MRPS5: variants seen among roughly 807,000 people sequenced by gnomAD.
The protein encoded by MRPS5 is mitochondrial ribosomal protein S5, also known as small ribosomal subunit protein uS5m.
Under a neutral mutation model 51.9 loss-of-function variants are expected in MRPS5, and 27 were observed. The observed-to-expected ratio is 0.52, with a 90% CI of 0.38 to 0.72. The LOEUF (loss-of-function observed/expected upper bound fraction) is 0.72. Among genes scored for constraint, MRPS5 ranks in the 30% least tolerant of loss-of-function variants. The probability of loss-of-function intolerance (pLI) is 0.00; values close to 1 mark genes in which losing one functional copy is unlikely to be tolerated. For missense variants in MRPS5, 570 were observed against 545.7 expected, an observed-to-expected ratio of 1.04 and a Z score of -0.44; for synonymous variants, 196 against 193.2, an observed-to-expected ratio of 1.01 and a Z score of -0.12.
chr2:95,089,902 G>A (rs1487197017), intron 11 of MRPS5, among the ~76,000 whole-genome samples: 1 of 152,138 alleles, frequency 6.6e-6, no homozygotes, highest in Admixed American at 6.5e-5. Flanking sequence ...TTCAGGCCGG[G>A]CGCGGTGGCT....
At position 95,104,748 on chromosome 2, in the gene MRPS5, T is replaced by C. The variant is rs773500596; in HGVS notation, c.673-18A>G. The C allele has an allele frequency of 6.2e-7, 1 of 1,610,804 alleles. No individual in the cohort carries two copies. The highest frequency in any genetic ancestry group is 8.5e-7 in the Non-Finnish European group (1 of 1,177,356). ...TTTCTTACCTAAAAGGCAAAATGTC[T>C]CATAAATATTGCACATTAAGAAAAT... is the stretch of plus-strand genomic sequence containing the variant. On this transcript the variant is annotated intron_variant, in intron 6 of 11. Transcript: ENST00000272418.
intron 10 of MRPS5, chr2:95,091,566 A>G (rs988233747): frequency 1.6e-4 from 24 of 152,346 alleles, no homozygotes; most frequent in African/African-American, 5.5e-4. Flanking sequence ...ATGCAGGTGG[A>G]GTGAGGGAGC....
chr2:95,109,248 G>A (rs1420618106), intron 4 of MRPS5, among the ~76,000 whole-genome samples: 1 of 152,112 alleles, frequency 6.6e-6, no homozygotes, highest in Non-Finnish European at 1.5e-5. Flanking sequence ...GTAGACATGC[G>A]ATGCTGGAAG....
intron 10 of MRPS5, 118 bp from the exon 11 acceptor site, chr2:95,090,640 T>G: frequency 9.0e-7 from 1 of 1,117,300 alleles, no homozygotes; most frequent in South Asian, 1.5e-5. Context: ...CATATTCTGG[T>G]ATCACCACTT....
intron 8 of MRPS5, among the ~76,000 whole-genome samples, 195 bp downstream of exon 8, chr2:95,101,482 C>T (rs781401286): frequency 6.6e-6 from 1 of 151,588 alleles, no homozygotes. Context: ...TAGACAATTA[C>T]AAATCTGATA....
At chr2:95,118,091 T>C (rs1415130907) in intron 1 of MRPS5, 146 bp from the exon 2 acceptor site, 1 of 587,852 alleles carries the variant, frequency 1.7e-6, no homozygotes, top group East Asian at 3.0e-5. Context: ...ACTTGTCAAG[T>C]AGCTGACACC....
At chr2:95,090,094 G>A (rs922249455) in intron 11 of MRPS5, among the ~76,000 whole-genome samples, 2 of 147,340 alleles carry the variant, frequency 1.4e-5, no homozygotes, top group South Asian at 2.2e-4. Flanking sequence ...GGAGAATGGC[G>A]TGAACCCGGG....
At chr2:95,119,649 A>G (rs1418299419) in intron 1 of MRPS5, among the ~76,000 whole-genome samples, 1 of 151,692 alleles carries the variant, frequency 6.6e-6, no homozygotes, top group Non-Finnish European at 1.5e-5. Context: ...TAAGATGGCT[A>G]TAGTAAAAAA....
chr2:95,115,156 A>G lies in MRPS5; in HGVS notation c.187T>C (p.Leu63=). 6.2e-7 allele frequency: 1 copy of G among 1,611,510 alleles called. No individual in the cohort carries two copies. The highest frequency in any genetic ancestry group is 8.5e-7 in the Non-Finnish European group (1 of 1,179,498). Residue 63 remains leucine (L), a synonymous_variant, in exon 3 of 12, where the codon TTG becomes CTG. Coordinates refer to ENST00000272418, the MANE Select transcript of MRPS5 (RefSeq NM_031902.5). ...CATTGTGTCTGCAGTGCACGGCTCA[A>G]GCTGGCGTAGGGATGGGTGTCTCTG... ...GTRDTHPYAS[L]SRALQTQCCI... is the part of the protein sequence containing the mutation.
intron 8 of MRPS5, among the ~76,000 whole-genome samples, chr2:95,101,175 G>T (rs1675790136): frequency 6.6e-6 from 1 of 152,054 alleles, no homozygotes; most frequent in African/African-American, 2.4e-5. Flanking sequence ...CTTGAGATCA[G>T]GAGTTCGAGA....
chr2:95,087,117 G>A lies in MRPS5; in HGVS notation c.*240C>T. 1 of 426,304 alleles carries A rather than the reference G, an allele frequency of 2.3e-6. No individual in the cohort carries two copies. Among genetic ancestry groups the A allele is most frequent in the East Asian group, 3.7e-5 (1 of 26,974 alleles). 26.4% of individuals were successfully genotyped at this position (426,304 alleles called of 1,614,324 possible). Reference sequence around the variant, plus strand: ...CCGTCTCCCTAATTCATTTACTTTTGTTACTTTGGATGAATATTTAAAGTA... The same window carrying A: ...CCGTCTCCCTAATTCATTTACTTTTATTACTTTGGATGAATATTTAAAGTA... On this transcript the variant is annotated 3_prime_UTR_variant, in exon 12 of 12. Coordinates refer to ENST00000272418, the MANE Select transcript of MRPS5 (RefSeq NM_031902.5).
At chr2:95,091,018 G>A (rs969404596) in intron 10 of MRPS5, 1 of 154,070 alleles carries the variant, frequency 6.5e-6, no homozygotes, top group African/African-American at 2.4e-5. Flanking sequence ...ATCTTGGGGG[G>A]TCTCCCCTCC....
At chr2:95,113,842 C>A (rs2104425489) in intron 3 of MRPS5, among the ~76,000 whole-genome samples, 1 of 152,038 alleles carries the variant, frequency 6.6e-6, no homozygotes, top group South Asian at 2.1e-4. Context: ...AAGCAGAAGG[C>A]CAGGCACGGT....
At chr2:95,096,689 C>CAAAAT (rs1473426178) in intron 10 of MRPS5, among the ~76,000 whole-genome samples, 1 of 152,112 alleles carries the variant, frequency 6.6e-6, no homozygotes, top group African/African-American at 2.4e-5. Flanking sequence ...GAACGCATCT[C>CAAAAT]AAAATAATAA....
At chr2:95,118,664 C>T (rs1440515387) in intron 1 of MRPS5, among the ~76,000 whole-genome samples, 1 of 152,242 alleles carries the variant, frequency 6.6e-6, no homozygotes, top group Non-Finnish European at 1.5e-5. Flanking sequence ...CCCTCTCACA[C>T]AGTGTGGTAC....
Position 95,106,372 on chromosome 2 carries a change from C to A in MRPS5, c.672+51G>T. Reference sequence around the variant, plus strand: ...CCTCTTGCCCTGTCCCTGCCCCACCCACCCCAACCTCTCCAAAGGCTTAAC... The same window carrying A: ...CCTCTTGCCCTGTCCCTGCCCCACCAACCCCAACCTCTCCAAAGGCTTAAC... On this transcript the variant is annotated intron_variant, in intron 6 of 11. Transcript: ENST00000272418. The A allele has an allele frequency of 2.5e-6, 3 of 1,204,730 alleles. No homozygotes were observed. The South Asian group carries it at 3.6e-5, about 15-fold the overall frequency. 74.6% of individuals were successfully genotyped at this position (1,204,730 alleles called of 1,614,324 possible).
In MRPS5 at chr2:95,121,714, C is replaced by T; in HGVS notation, c.58+20G>A. 1 of 1,532,496 alleles carries T rather than the reference C, an allele frequency of 6.5e-7. No homozygotes were observed. Among genetic ancestry groups the T allele is most frequent in the Non-Finnish European group, 8.7e-7 (1 of 1,146,870 alleles). The allele number at this position is 1,532,496 out of a possible 1,614,324, so 94.9% of individuals were successfully genotyped here. A position where few individuals can be genotyped will look rare whatever the true frequency, so the allele number is the denominator to read the frequency against. On this transcript the variant is annotated intron_variant, in intron 1 of 11. Transcript: ENST00000272418. Reference sequence around the variant, plus strand: ...TCCCGGCCCGCTCAGAGCCCCTGCTCCCGGCGTCCCAGCTCTCACCTGCCG... The same window carrying T: ...TCCCGGCCCGCTCAGAGCCCCTGCTTCCGGCGTCCCAGCTCTCACCTGCCG...
At chr2:95,095,081 A>G (rs1348411603) in intron 10 of MRPS5, among the ~76,000 whole-genome samples, 1 of 152,222 alleles carries the variant, frequency 6.6e-6, no homozygotes, top group Non-Finnish European at 1.5e-5. Flanking sequence ...TTACAATCCT[A>G]GTCTCTGATA....
chr2:95,101,175 G>A (rs1675790136), intron 8 of MRPS5, among the ~76,000 whole-genome samples: 1 of 152,054 alleles, frequency 6.6e-6, no homozygotes, highest in African/African-American at 2.4e-5. Flanking sequence ...CTTGAGATCA[G>A]GAGTTCGAGA....
Sources: allele counts gnomAD v4.1 joint callset (sites outside exome capture counted in the v4.1 genomes callset), GRCh38; gene constraint gnomAD v4.1.1; transcripts MANE v1.5; gene names NCBI Gene and HGNC (gene_info 2026-07-23, HGNC 2026-07-21).